CDH23: variants seen among roughly 807,000 people sequenced by gnomAD.
CDH23 encodes the protein cadherin related 23.
CDH23 carries 189 observed loss-of-function variants against 317.1 expected under a neutral mutation model. That is an observed-to-expected ratio of 0.60 (90% CI 0.53 to 0.67). The LOEUF (loss-of-function observed/expected upper bound fraction) is 0.67, where lower values mean the gene tolerates loss of function less well. CDH23 is among the 30% of genes least tolerant of loss of function. The pLI is 0.00. For missense variants in CDH23, 4,401 were observed against 4,592.4 expected (o/e 0.96, Z 1.20); for synonymous variants, 1,839 against 1,876.8 (o/e 0.98, Z 0.52).
intron 6 of CDH23, among the ~76,000 whole-genome samples, chr10:71,515,318 GC>G (rs1463196985): frequency 6.7e-6 from 1 of 150,090 alleles, no homozygotes; most frequent in Non-Finnish European, 1.5e-5. Context: ...TCTCCTATCA[GC>G]CATAGAGCCA....
chr10:71,740,762 A>C, intron 36 of CDH23, 60 bp from the exon 37 acceptor site: 1 of 1,607,456 alleles, frequency 6.2e-7, no homozygotes, highest in Non-Finnish European at 8.5e-7. Context: ...TTTGGACTCC[A>C]TATTCCCAAT....
At chr10:71,462,157 G>A (rs191122571) in intron 3 of CDH23, among the ~76,000 whole-genome samples, 99 of 152,364 alleles carry the variant, frequency 6.5e-4, no homozygotes, top group African/African-American at 2.2e-3. Context: ...GAATTAAGAG[G>A]GGGCCCATGG....
At chr10:71,504,128 T>C (rs751535156) in intron 3 of CDH23, among the ~76,000 whole-genome samples, 3 of 152,214 alleles carry the variant, frequency 2.0e-5, no homozygotes, top group Non-Finnish European at 4.4e-5. Context: ...GTTAAGCACA[T>C]TGACACTGTT....
At chr10:71,732,931 A>C (rs548930870) in intron 32 of CDH23, among the ~76,000 whole-genome samples, 11 of 152,312 alleles carry the variant, frequency 7.2e-5, no homozygotes, top group African/African-American at 2.6e-4. Flanking sequence ...CTCACAGCTC[A>C]GTCCCTCCCA....
At chr10:71,403,767 G>A (rs961591268) in intron 1 of CDH23, among the ~76,000 whole-genome samples, 7 of 151,514 alleles carry the variant, frequency 4.6e-5, no homozygotes, top group African/African-American at 7.3e-5. Flanking sequence ...TGCCCACCTC[G>A]GCCTCCCAAA....
At chr10:71,769,649 A>G (rs1840642137) in intron 38 of CDH23, among the ~76,000 whole-genome samples, 1 of 152,194 alleles carries the variant, frequency 6.6e-6, no homozygotes, top group Non-Finnish European at 1.5e-5. Flanking sequence ...TGCACAGACA[A>G]AGGGGAAGTG....
chr10:71,809,167 CTT>C (rs61078259), intron 60 of CDH23, among the ~76,000 whole-genome samples: 24 of 68,846 alleles, frequency 3.5e-4, no homozygotes, highest in African/African-American at 1.2e-3. Context: ...TTTCTTTTTC[CTT>C]TTTTTTTTTT....
chr10:71,586,023 T>C (rs922214535), intron 9 of CDH23, among the ~76,000 whole-genome samples: 6 of 152,176 alleles, frequency 3.9e-5, no homozygotes, highest in Non-Finnish European at 7.3e-5. Context: ...GCTCGGGACA[T>C]AGAGTGCTGT....
At chr10:71,696,701 C>G (rs964281748) in intron 22 of CDH23, among the ~76,000 whole-genome samples, 1 of 152,236 alleles carries the variant, frequency 6.6e-6, no homozygotes, top group Non-Finnish European at 1.5e-5. Flanking sequence ...CCTCTCCCAT[C>G]CAGAGCCACT....
intron 26 of CDH23, among the ~76,000 whole-genome samples, 187 bp from the exon 27 acceptor site, chr10:71,708,911 C>A (rs563074718): frequency 6.6e-6 from 1 of 152,244 alleles, no homozygotes; most frequent in Admixed American, 6.5e-5. Context: ...TTCCAGGCAT[C>A]TGGCACCCCC....
intron 8 of CDH23, among the ~76,000 whole-genome samples, chr10:71,571,603 C>T (rs561999722): frequency 7.2e-5 from 11 of 152,290 alleles, no homozygotes; most frequent in Middle Eastern, 3.4e-3. Flanking sequence ...GTGGGCCAGA[C>T]GGGCAACGGC....
intron 3 of CDH23, among the ~76,000 whole-genome samples, chr10:71,498,401 T>A (rs1020677563): frequency 3.9e-5 from 6 of 152,184 alleles, no homozygotes; most frequent in African/African-American, 1.4e-4. Context: ...CAGTTCTTCA[T>A]GCCTACAGTT....
chr10:71,444,497 A>G (rs1255571761), intron 2 of CDH23, among the ~76,000 whole-genome samples: 1 of 152,180 alleles, frequency 6.6e-6, no homozygotes. Context: ...GGCTTCCTGG[A>G]AGAAGGGCCA....
At chr10:71,661,837 T>C (rs1024644872) in intron 14 of CDH23, among the ~76,000 whole-genome samples, 1 of 36,430 alleles carries the variant, frequency 2.7e-5, no homozygotes, top group Non-Finnish European at 6.0e-5. Flanking sequence ...CTGCGCCCCC[T>C]CCCACCCTGC....
At chr10:71,583,657 G>A (rs1360662361) in intron 9 of CDH23, among the ~76,000 whole-genome samples, 2 of 152,138 alleles carry the variant, frequency 1.3e-5, no homozygotes, top group Admixed American at 6.5e-5. Context: ...TCTTCTTGCC[G>A]CCCACATCCG....
intron 6 of CDH23, among the ~76,000 whole-genome samples, chr10:71,521,659 C>A (rs1439042149): frequency 6.6e-6 from 1 of 152,210 alleles, no homozygotes; most frequent in Non-Finnish European, 1.5e-5. Flanking sequence ...GGAGGTTGGT[C>A]CTTTATCCCC....
chr10:71,516,899 AGCCCGGGTC>A (rs1854361778), intron 6 of CDH23, among the ~76,000 whole-genome samples: 1 of 152,234 alleles, frequency 6.6e-6, no homozygotes, highest in East Asian at 1.9e-4. Flanking sequence ...TAGAGTGCTC[AGCCCGGGTC>A]CCAGGATAAG....
chr10:71,790,906 G>A (rs1841233356), intron 46 of CDH23: 5 of 585,290 alleles, frequency 8.5e-6, no homozygotes, highest in Admixed American at 3.0e-5. Flanking sequence ...GACAGCAGAG[G>A]GCACCTGCAG....
chr10:71,507,317 A>G (rs934330294), intron 3 of CDH23, among the ~76,000 whole-genome samples: 2 of 152,374 alleles, frequency 1.3e-5, no homozygotes, highest in African/African-American at 4.8e-5. Context: ...GCAATGGAAA[A>G]GAAATGTATA....
Sources: gnomAD v4.1 joint callset for allele counts (sites outside exome capture counted in the v4.1 genomes callset) on GRCh38, gnomAD v4.1.1 for gene constraint, MANE v1.5 for transcripts, NCBI Gene and HGNC (gene_info 2026-07-23, HGNC 2026-07-21) for gene names.